DOCK10: variants seen among roughly 807,000 people sequenced by gnomAD.
DOCK10 encodes the protein dedicator of cytokinesis protein 10.
Under a neutral mutation model 280.1 loss-of-function variants are expected in DOCK10, and 145 were observed. The observed-to-expected ratio is 0.52, with a 90% CI of 0.45 to 0.59. DOCK10 has a LOEUF of 0.59. DOCK10 is among the 20% of genes least tolerant of loss of function. DOCK10 has a pLI of 0.00. For synonymous variants in DOCK10, 915 were observed against 942.2 expected (o/e 0.97, Z 0.53); for missense variants, 2,368 against 2,651.7 (o/e 0.89, Z 2.35).
At chr2:224,875,736 C>G (rs2125693482) in intron 8 of DOCK10, among the ~76,000 whole-genome samples, 1 of 152,210 alleles carries the variant, frequency 6.6e-6, no homozygotes. Flanking sequence ...CCACAAAATG[C>G]CCCCTATAAG....
At chr2:224,808,507 G>C (rs571962662) in intron 31 of DOCK10, among the ~76,000 whole-genome samples, 100 of 152,254 alleles carry the variant, frequency 6.6e-4, no homozygotes, top group Non-Finnish European at 1.0e-3. Context: ...GAAAGGACAG[G>C]AGGCTGGGAG....
intron 44 of DOCK10, 52 bp downstream of exon 44, chr2:224,796,264 C>T: frequency 3.6e-6 from 4 of 1,099,172 alleles, no homozygotes; most frequent in Non-Finnish European, 5.4e-6. Flanking sequence ...AAAAAGAATC[C>T]ACTTCAGATT....
intron 1 of DOCK10, among the ~76,000 whole-genome samples, chr2:225,023,930 A>AGAG (rs1200848399): frequency 6.6e-6 from 1 of 152,242 alleles, no homozygotes; most frequent in Non-Finnish European, 1.5e-5. Flanking sequence ...GTAACTTTAC[A>AGAG]GAGGAGCAAT....
chr2:225,016,648 CAT>C (rs1689610904), intron 1 of DOCK10, among the ~76,000 whole-genome samples: 1 of 5,936 alleles, frequency 1.7e-4, no homozygotes, highest in Non-Finnish European at 3.5e-4. Flanking sequence ...TCTATGTGCA[CAT>C]AGATACATAG....
intron 4 of DOCK10, 81 bp from the exon 5 acceptor site, chr2:224,886,612 C>A: frequency 1.9e-6 from 2 of 1,060,976 alleles, no homozygotes; most frequent in Non-Finnish European, 2.8e-6. Flanking sequence ...GTAACAATAA[C>A]AACTATGGTG....
chr2:224,826,810 T>C lies in DOCK10; in HGVS notation c.3037-3163A>G, dbSNP rs1399579630. 2.0e-5 allele frequency among the ~76,000 whole-genome samples: 3 copies of C among 151,732 alleles called. No individual in the cohort carries two copies. The East Asian group carries it at 5.8e-4, about 29-fold the overall frequency. On this transcript the variant is annotated intron_variant, in intron 27 of 55. Coordinates refer to ENST00000258390, the MANE Select transcript of DOCK10 (RefSeq NM_014689.3). ...ATCTATCATCTATCAATCATCTATATGAAATTAGCTGGGCTTGGTGGCCAT... is the reference window on the plus strand; with the variant it reads ...ATCTATCATCTATCAATCATCTATACGAAATTAGCTGGGCTTGGTGGCCAT...
In DOCK10 at chr2:224,830,583, TA is replaced by T; in HGVS notation, c.2993del (p.Leu998GlnfsTer8). ...CAATCAAGTGCTGTGCCATCGATTTTAGGATAATTGCAAAGAAGAACCAGGA... is the reference window on the plus strand; with the variant it reads ...CAATCAAGTGCTGTGCCATCGATTTTGGATAATTGCAAAGAAGAACCAGGA... ...KHSWFFFAII[L>X]KSMAQHLIDT... On this transcript the variant is annotated frameshift_variant, in exon 27 of 56. Coordinates refer to ENST00000258390, the MANE Select transcript of DOCK10 (RefSeq NM_014689.3). LOFTEE classifies it high-confidence loss of function. 1 of 1,538,822 alleles carries T rather than the reference TA, an allele frequency of 6.5e-7. No homozygotes were observed. The highest frequency in any genetic ancestry group is 8.8e-7 in the Non-Finnish European group (1 of 1,135,414).
intron 2 of DOCK10, 111 bp from the exon 3 acceptor site, chr2:224,916,895 A>G (rs1424494071): frequency 2.6e-6 from 2 of 768,986 alleles, no homozygotes; most frequent in Non-Finnish European, 4.4e-6. Context: ...TTTAAAGTTA[A>G]CAGAAGACAG....
chr2:224,809,989 C>CAAAAAA (rs376029378), intron 31 of DOCK10, among the ~76,000 whole-genome samples: 6 of 115,356 alleles, frequency 5.2e-5, no homozygotes, highest in South Asian at 3.1e-4. Context: ...TATTCAGCCT[C>CAAAAAA]AAAAAAAAAA....
At chr2:224,818,534 GC>G (rs1694299998) in intron 29 of DOCK10, among the ~76,000 whole-genome samples, 1 of 151,920 alleles carries the variant, frequency 6.6e-6, no homozygotes, top group African/African-American at 2.4e-5. Flanking sequence ...AGTAGCTGGA[GC>G]TACAGGTGCC....
intron 11 of DOCK10, among the ~76,000 whole-genome samples, chr2:224,871,081 C>A (rs1290263511): frequency 6.6e-6 from 1 of 152,116 alleles, no homozygotes; most frequent in Non-Finnish European, 1.5e-5. Flanking sequence ...CCTGCCTTGG[C>A]CTCCCAAAGT....
At chr2:224,964,466 T>C (rs1360901383) in intron 1 of DOCK10, among the ~76,000 whole-genome samples, 1 of 150,204 alleles carries the variant, frequency 6.7e-6, no homozygotes, top group Non-Finnish European at 1.5e-5. Flanking sequence ...CCTTTAAGTA[T>C]GTGTTCTTTC....
intron 15 of DOCK10, among the ~76,000 whole-genome samples, chr2:224,856,019 ACC>A (rs1300462607): frequency 6.6e-6 from 1 of 152,138 alleles, no homozygotes; most frequent in Admixed American, 6.5e-5. Context: ...TCTCTTCCTA[ACC>A]CTATGTTCAG....
At chr2:224,929,527 T>G (rs553750224) in intron 2 of DOCK10, among the ~76,000 whole-genome samples, 1 of 152,230 alleles carries the variant, frequency 6.6e-6, no homozygotes, top group East Asian at 1.9e-4. Context: ...GGACCACATC[T>G]CGAAGCAGGC....
chr2:225,034,054 G>T (rs113547772), intron 1 of DOCK10, among the ~76,000 whole-genome samples: 396 of 152,344 alleles, frequency 2.6e-3, no homozygotes, highest in African/African-American at 8.9e-3. Context: ...GACTGAAGCA[G>T]AGCAAAAGTA....
At chr2:225,035,571 T>TATG (rs1553634940) in intron 1 of DOCK10, among the ~76,000 whole-genome samples, 9 of 43,852 alleles carry the variant, frequency 2.1e-4, no homozygotes, top group Non-Finnish European at 2.9e-4. Flanking sequence ...TATATATATA[T>TATG]ATATATATAT....
rs1559605159 is a variant in DOCK10, at chr2:224,867,109, A to ACAC, written c.1258-2023_1258-2022insGTG. ...ACACACACACACACACACACACACAAAATTTATTTATCTCTATCTGTGTAT... is the reference window on the plus strand; with the variant it reads ...ACACACACACACACACACACACACAACACAATTTATTTATCTCTATCTGTGTAT... On this transcript the variant is annotated intron_variant, in intron 11 of 55. Transcript: ENST00000258390. 7.6e-3 allele frequency among the ~76,000 whole-genome samples: 1,013 copies of ACAC among 132,884 alleles called. 14 individuals are homozygous for ACAC. Among genetic ancestry groups the ACAC allele is most frequent in the African/African-American group, 0.025 (870 of 34,742 alleles). 87.2% of individuals were successfully genotyped at this position (132,884 alleles called of 152,430 possible). A position where few individuals can be genotyped will look rare whatever the true frequency, so the allele number is the denominator to read the frequency against.
chr2:224,974,819 A>G lies in DOCK10; in HGVS notation c.124-43151T>C, dbSNP rs956782078. ...TATATATCATATATATTATATATAT[A>G]ATATATATATATTATATATAACATA... On this transcript the variant is annotated intron_variant, in intron 1 of 55. Transcript: ENST00000258390. 1.9e-4 allele frequency among the ~76,000 whole-genome samples: 25 copies of G among 132,354 alleles called. 1 individual carries two copies. The East Asian group carries it at 5.0e-3, about 26-fold the overall frequency. The allele number at this position is 132,354 out of a possible 152,430, so 86.8% of individuals were successfully genotyped here.
intron 50 of DOCK10, among the ~76,000 whole-genome samples, chr2:224,784,238 C>A (rs1691576235): frequency 6.6e-6 from 1 of 152,136 alleles, no homozygotes; most frequent in Admixed American, 6.5e-5. Context: ...ACCATAGACC[C>A]CCATCACTCT....
Sources: gnomAD v4.1 joint callset for allele counts (sites outside exome capture counted in the v4.1 genomes callset) on GRCh38, gnomAD v4.1.1 for gene constraint, MANE v1.5 for transcripts, NCBI Gene and HGNC (gene_info 2026-07-23, HGNC 2026-07-21) for gene names.